The following TMPRSS11F variants were observed in gnomAD, a reference collection of about 807,000 sequenced individuals.
TMPRSS11F encodes the protein transmembrane serine protease 11F.
A neutral mutation model predicts 60.2 loss-of-function variants in TMPRSS11F; 47 were observed. That is an observed-to-expected ratio of 0.78 (90% CI 0.62 to 1.00). The LOEUF (loss-of-function observed/expected upper bound fraction) is 1.00, where lower values mean the gene tolerates loss of function less well. TMPRSS11F is among the 50% of genes least tolerant of loss of function. The pLI is 0.00. For synonymous variants in TMPRSS11F, 166 were observed against 167.3 expected, an observed-to-expected ratio of 0.99 and a Z score of 0.06; for missense variants, 519 against 522.9, an observed-to-expected ratio of 0.99 and a Z score of 0.07.
intron 9 of TMPRSS11F, among the ~76,000 whole-genome samples, chr4:68,058,193 T>C (rs922457431): frequency 3.3e-5 from 5 of 152,208 alleles, no homozygotes; most frequent in Non-Finnish European, 5.9e-5. Flanking sequence ...TACTGTATTA[T>C]AGATTTCAAA....
chr4:68,066,674 G>C (rs547828510), intron 7 of TMPRSS11F, among the ~76,000 whole-genome samples: 1 of 152,132 alleles, frequency 6.6e-6, no homozygotes, highest in Admixed American at 6.5e-5. Context: ...GGTGGTTCAC[G>C]CCTATAATCC....
chr4:68,116,442 T>C lies in TMPRSS11F; in HGVS notation c.11+13368A>G, dbSNP rs555846806. On this transcript the variant is annotated intron_variant, in intron 1 of 9. Transcript: ENST00000356291. ...TACCCAAAGCAATCTACAGGTTCAA[T>C]GCAATCCTGTCAAAATCTCAATGGC... Among the ~76,000 whole-genome samples, 11 of 152,204 alleles carry C rather than the reference T, an allele frequency of 7.2e-5. 2 individuals carry two copies. Among genetic ancestry groups the C allele is most frequent in the African/African-American group, 2.4e-4 (10 of 41,542 alleles).
chr4:68,079,058 T>G, intron 3 of TMPRSS11F, among the ~76,000 whole-genome samples: 1 of 145,296 alleles, frequency 6.9e-6, no homozygotes, highest in Non-Finnish European at 1.5e-5. Context: ...ATTTAAAAAA[T>G]GGCATATTCT....
At chr4:68,126,041 T>G (rs1369728736) in intron 1 of TMPRSS11F, among the ~76,000 whole-genome samples, 2 of 152,178 alleles carry the variant, frequency 1.3e-5, no homozygotes, top group African/African-American at 4.8e-5. Flanking sequence ...TACAAAATGT[T>G]TACTTCATAC....
chr4:68,054,675 C>T (rs1723004794), intron 9 of TMPRSS11F, among the ~76,000 whole-genome samples: 1 of 152,140 alleles, frequency 6.6e-6, no homozygotes, highest in Admixed American at 6.5e-5. Context: ...GGCTGTATGA[C>T]CCTAGGTGAG....
At chr4:68,087,722 TTTATTTA>T (rs1560401847) in intron 3 of TMPRSS11F, among the ~76,000 whole-genome samples, 1 of 149,024 alleles carries the variant, frequency 6.7e-6, no homozygotes, top group Non-Finnish European at 1.5e-5. Flanking sequence ...TATTTATTTA[TTTATTTA>T]TTATTATACT....
chr4:68,099,295 T>C (rs1367840690), intron 1 of TMPRSS11F, among the ~76,000 whole-genome samples: 2 of 152,228 alleles, frequency 1.3e-5, no homozygotes, highest in Non-Finnish European at 2.9e-5. Context: ...ATCCGGCTTA[T>C]TGGCAATTTA....
intron 8 of TMPRSS11F, chr4:68,062,574 G>C (rs760195966): frequency 1.2e-6 from 1 of 846,554 alleles, no homozygotes; most frequent in South Asian, 1.3e-5. Flanking sequence ...TGCCATCTAC[G>C]TACTTGCCGT....
chr4:68,068,943 C>T, intron 6 of TMPRSS11F, 124 bp from the exon 7 acceptor site: 2 of 958,492 alleles, frequency 2.1e-6, no homozygotes, highest in Non-Finnish European at 3.2e-6. Flanking sequence ...AGCACTCAGC[C>T]TTTGAGCTTA....
chr4:68,093,702 G>GA (rs1724002361), intron 2 of TMPRSS11F, among the ~76,000 whole-genome samples: 1 of 151,196 alleles, frequency 6.6e-6, no homozygotes, highest in African/African-American at 2.4e-5. Context: ...AAATTTACAA[G>GA]AAAAAAACAA....
chr4:68,129,229 T>C (rs2109895438), intron 1 of TMPRSS11F, among the ~76,000 whole-genome samples: 1 of 152,244 alleles, frequency 6.6e-6, no homozygotes, highest in Non-Finnish European at 1.5e-5. Context: ...CAACAATTGA[T>C]CAATTATTTT....
At chr4:68,064,292 C>T (rs896020913) in intron 8 of TMPRSS11F, among the ~76,000 whole-genome samples, 17 of 151,682 alleles carry the variant, frequency 1.1e-4, no homozygotes, top group Non-Finnish European at 2.2e-4. Context: ...TCAAGCAATT[C>T]TCCTGCCTCA....
intron 7 of TMPRSS11F, among the ~76,000 whole-genome samples, chr4:68,066,262 T>C (rs893233043): frequency 6.6e-6 from 1 of 152,102 alleles, no homozygotes; most frequent in African/African-American, 2.4e-5. Context: ...CACTAGATAC[T>C]AGAATTCTCA....
intron 4 of TMPRSS11F, among the ~76,000 whole-genome samples, chr4:68,073,400 A>G: frequency 6.6e-6 from 1 of 152,148 alleles, no homozygotes; most frequent in South Asian, 2.1e-4. Flanking sequence ...GATAAAAGAA[A>G]AGAAGGAAGG....
intron 8 of TMPRSS11F, among the ~76,000 whole-genome samples, chr4:68,061,058 ATACTCTAT>A (rs1723162150): frequency 7.9e-6 from 1 of 126,078 alleles, no homozygotes; most frequent in Non-Finnish European, 2.0e-5. Flanking sequence ...TATATAAAAC[ATACTCTAT>A]TTAATAAAGT....
intron 8 of TMPRSS11F, chr4:68,061,960 T>C (rs1723188167): frequency 2.2e-6 from 1 of 445,026 alleles, no homozygotes; most frequent in African/African-American, 2.0e-5. Context: ...TGCACTTAGA[T>C]TTAGTGCTAT....
chr4:68,053,930 A>T lies in TMPRSS11F; in HGVS notation c.1296T>A (p.Ile432=). The change falls in exon 10 of 10, where the codon ATT becomes ATA. Residue 432 remains isoleucine, a synonymous_variant. Transcript: ENST00000356291. ...CACACTACATACCAGTCTTTGAGGC[A>T]ATCCAATCTCGATACTTAGTTACTC... ...YTRVTKYRDW[I]ASKTGM The T allele has an allele frequency of 6.2e-7, 1 of 1,613,548 alleles. No homozygotes were observed. Among genetic ancestry groups the T allele is most frequent in the Non-Finnish European group, 8.5e-7 (1 of 1,179,558 alleles).
chr4:68,105,877 AT>A (rs1290138265), intron 1 of TMPRSS11F, among the ~76,000 whole-genome samples: 2 of 152,192 alleles, frequency 1.3e-5, no homozygotes, highest in Non-Finnish European at 2.9e-5. Context: ...CAAATTCTCC[AT>A]TTTAGCTGCT....
intron 9 of TMPRSS11F, among the ~76,000 whole-genome samples, chr4:68,059,106 A>T (rs1723103261): frequency 6.6e-6 from 1 of 152,144 alleles, no homozygotes. Context: ...CTTTTATCTC[A>T]TTACATTAAA....
Sources: gnomAD v4.1 joint callset for allele counts (sites outside exome capture counted in the v4.1 genomes callset) on GRCh38, gnomAD v4.1.1 for gene constraint, MANE v1.5 for transcripts, NCBI Gene and HGNC (gene_info 2026-07-23, HGNC 2026-07-21) for gene names.